ADCY9: variants seen among roughly 807,000 people sequenced by gnomAD.
ADCY9 encodes the protein adenylate cyclase 9, also known as adenylate cyclase type 9.
Under a neutral mutation model 101.5 loss-of-function variants are expected in ADCY9, and 50 were observed. The ratio of observed to expected loss-of-function variants is 0.49; its 90% CI spans 0.39 to 0.62. The LOEUF (loss-of-function observed/expected upper bound fraction) is 0.62, where lower values mean the gene tolerates loss of function less well. Among genes scored for constraint, ADCY9 ranks in the 20% least tolerant of loss-of-function variants. The pLI, the probability that ADCY9 is intolerant of heterozygous loss-of-function variation, is 0.00. For synonymous variants in ADCY9, 905 were observed against 769.3 expected, an observed-to-expected ratio of 1.18 and a Z score of -2.92; for missense variants, 1,662 against 1,800.4, an observed-to-expected ratio of 0.92 and a Z score of 1.39.
chr16:4,025,242 G>A (rs763065685), intron 2 of ADCY9, among the ~76,000 whole-genome samples: 3 of 152,012 alleles, frequency 2.0e-5, no homozygotes, highest in African/African-American at 7.3e-5. Context: ...GCATGGTGGT[G>A]TATGACTGTA....
intron 3 of ADCY9, among the ~76,000 whole-genome samples, chr16:3,997,573 A>C (rs1192161354): frequency 6.6e-6 from 1 of 152,216 alleles, no homozygotes; most frequent in Non-Finnish European, 1.5e-5. Context: ...TGCAGAAGGA[A>C]GGGGGCTGTC....
At chr16:4,090,636 G>A (rs1466687132) in intron 2 of ADCY9, among the ~76,000 whole-genome samples, 3 of 152,030 alleles carry the variant, frequency 2.0e-5, no homozygotes, top group African/African-American at 7.2e-5. Context: ...CCAGAGGGAA[G>A]CCTAATTTTA....
intron 5 of ADCY9, among the ~76,000 whole-genome samples, chr16:3,990,920 C>T (rs888485329): frequency 5.3e-5 from 8 of 152,228 alleles, no homozygotes; most frequent in Non-Finnish European, 7.3e-5. Flanking sequence ...CTACCTCAGC[C>T]TCCTGAGTAG....
In ADCY9 at chr16:4,106,778, G is replaced by GT. The variant is rs538434374; in HGVS notation, c.1693+6971dup. 4.6e-5 allele frequency among the ~76,000 whole-genome samples: 7 copies of GT among 152,298 alleles called. No individual in the cohort carries two copies. In the South Asian group the frequency reaches 1.2e-3, roughly 27 times the overall value. ...CAGATTAATGTGGGTTGGTTGGTTG[G>GT]TTTTTTTCCAAGATTACTATTCCAC... is the stretch of plus-strand genomic sequence containing the variant. On this transcript the variant is annotated intron_variant, in intron 2 of 10. Coordinates refer to ENST00000294016, the MANE Select transcript of ADCY9 (RefSeq NM_001116.4).
At chr16:4,086,536 T>C (rs1253505537) in intron 2 of ADCY9, among the ~76,000 whole-genome samples, 1 of 152,056 alleles carries the variant, frequency 6.6e-6, no homozygotes, top group African/African-American at 2.4e-5. Context: ...CCAGAGAAAG[T>C]TGACACAGAA....
chr16:3,983,083 G>A (rs2056157779), intron 7 of ADCY9, 149 bp downstream of exon 7: 5 of 753,290 alleles, frequency 6.6e-6, no homozygotes, highest in Non-Finnish European at 8.4e-6. Context: ...GGGGCACAGG[G>A]CTCGGGGAGG....
At chr16:3,991,364 C>G (rs116615458) in intron 5 of ADCY9, among the ~76,000 whole-genome samples, 3 of 152,112 alleles carry the variant, frequency 2.0e-5, no homozygotes, top group South Asian at 2.1e-4. Context: ...GAGGAGGACA[C>G]GGCATCCCTT....
chr16:3,978,516 G>A (rs1335035844), intron 8 of ADCY9, among the ~76,000 whole-genome samples: 1 of 152,170 alleles, frequency 6.6e-6, no homozygotes, highest in Non-Finnish European at 1.5e-5. Flanking sequence ...ACGCTTCTTT[G>A]TAAAATGTGA....
chr16:4,067,763 G>C (rs1465341344), intron 2 of ADCY9, among the ~76,000 whole-genome samples: 2 of 152,132 alleles, frequency 1.3e-5, no homozygotes, highest in Non-Finnish European at 2.9e-5. Context: ...CCGGGAGGTG[G>C]ACTGCAACCT....
intron 6 of ADCY9, among the ~76,000 whole-genome samples, chr16:3,988,741 A>G (rs755831096): frequency 5.9e-5 from 9 of 152,064 alleles, no homozygotes; most frequent in Non-Finnish European, 2.9e-5. Flanking sequence ...TAGCCTGGAG[A>G]TGCCACGGCA....
downstream of ADCY9, among the ~76,000 whole-genome samples, chr16:3,958,049 T>C (rs1185697953): frequency 6.6e-6 from 1 of 152,016 alleles, no homozygotes; most frequent in Non-Finnish European, 1.5e-5. Flanking sequence ...GCCTCCACTG[T>C]GCCAGGGCTG....
intron 3 of ADCY9, 48 bp downstream of exon 3, chr16:4,007,320 A>C: frequency 6.8e-7 from 1 of 1,467,536 alleles, no homozygotes; most frequent in South Asian, 1.5e-5. Flanking sequence ...CTACTGCAGA[A>C]TTAATAGAAA....
intron 2 of ADCY9, among the ~76,000 whole-genome samples, chr16:4,031,109 C>T (rs1449223907): frequency 6.6e-6 from 1 of 152,076 alleles, no homozygotes. Flanking sequence ...GGATGAACAC[C>T]ATAAAAGCTC....
At chr16:4,031,280 A>G (rs1157535726) in intron 2 of ADCY9, among the ~76,000 whole-genome samples, 1 of 152,212 alleles carries the variant, frequency 6.6e-6, no homozygotes, top group Non-Finnish European at 1.5e-5. Context: ...TTAAGGGTGC[A>G]GGGCCACAAT....
intron 10 of ADCY9, among the ~76,000 whole-genome samples, chr16:3,968,737 C>T (rs544749854): frequency 6.6e-6 from 1 of 152,346 alleles, no homozygotes; most frequent in East Asian, 1.9e-4. Context: ...TCCCCTACCC[C>T]TATCTTTGTG....
At chr16:4,012,733 T>C (rs935159950) in intron 2 of ADCY9, among the ~76,000 whole-genome samples, 4 of 152,216 alleles carry the variant, frequency 2.6e-5, no homozygotes, top group African/African-American at 9.6e-5. Context: ...TTCTTAAGTA[T>C]AGTGTCACTT....
chr16:3,982,893 C>T (rs984766233), intron 7 of ADCY9: 18 of 313,150 alleles, frequency 5.7e-5, no homozygotes, highest in South Asian at 2.9e-4. Context: ...CCACTACCCC[C>T]GCTCATGTCT....
chr16:4,077,728 G>A (rs117911826), intron 2 of ADCY9, among the ~76,000 whole-genome samples: 1,984 of 152,236 alleles, frequency 0.013, 18 homozygotes, highest in Middle Eastern at 0.034. Context: ...GGCCAGGCGC[G>A]GTGACTCACA....
At chr16:4,033,432 A>ATTTT (rs71133683) in intron 2 of ADCY9, among the ~76,000 whole-genome samples, 2 of 125,936 alleles carry the variant, frequency 1.6e-5, no homozygotes, top group South Asian at 2.7e-4. Context: ...CCTTGAAGTA[A>ATTTT]TTTTTTTTTT....
Sources: gnomAD v4.1 joint callset for allele counts (sites outside exome capture counted in the v4.1 genomes callset) on GRCh38, gnomAD v4.1.1 for gene constraint, MANE v1.5 for transcripts, NCBI Gene and HGNC (gene_info 2026-07-23, HGNC 2026-07-21) for gene names.